Variants in GLIS1 observed in about 807,000 individuals in gnomAD.
The protein encoded by GLIS1 is GLIS family zinc finger 1, also known as zinc finger protein GLIS1.
GLIS1 carries 24 observed loss-of-function variants against 63.8 expected under a neutral mutation model. The observed-to-expected ratio is 0.38, with a 90% CI of 0.27 to 0.53. The LOEUF is 0.53. GLIS1 is among the 20% of genes least tolerant of loss of function. The pLI is 0.85. For missense variants in GLIS1, 1,036 were observed against 1,074.1 expected (o/e 0.96, Z 0.50); for synonymous variants, 450 against 482.5 (o/e 0.93, Z 0.88).
chr1:53,551,545 G>A (rs543619445), intron 4 of GLIS1, among the ~76,000 whole-genome samples: 3 of 152,180 alleles, frequency 2.0e-5, no homozygotes, highest in East Asian at 1.9e-4. Flanking sequence ...CTGGGAAAAC[G>A]TCAGGTCGGT....
At chr1:53,617,073 C>T (rs1427765402) in intron 2 of GLIS1, among the ~76,000 whole-genome samples, 1 of 152,080 alleles carries the variant, frequency 6.6e-6, no homozygotes, top group Non-Finnish European at 1.5e-5. Flanking sequence ...AGCCTAGGCC[C>T]TAGGCTGGAG....
intron 2 of GLIS1, among the ~76,000 whole-genome samples, chr1:53,722,394 T>C (rs1319061888): frequency 6.6e-6 from 1 of 152,194 alleles, no homozygotes; most frequent in South Asian, 2.1e-4. Context: ...GTAATATATA[T>C]ACATATTTGT....
At chr1:53,534,034 C>T (rs1235941103) in intron 4 of GLIS1, among the ~76,000 whole-genome samples, 1 of 152,056 alleles carries the variant, frequency 6.6e-6, no homozygotes, top group East Asian at 1.9e-4. Flanking sequence ...GGGGAGCTCT[C>T]TGGGTCCCGG....
intron 5 of GLIS1, among the ~76,000 whole-genome samples, chr1:53,528,018 G>A (rs1342989426): frequency 5.9e-5 from 9 of 152,210 alleles, no homozygotes; most frequent in Non-Finnish European, 1.2e-4. Context: ...CGAGAGGCAC[G>A]GGAGGGTAGG....
intron 2 of GLIS1, among the ~76,000 whole-genome samples, chr1:53,660,832 A>C (rs1274363519): frequency 1.3e-5 from 2 of 152,240 alleles, no homozygotes; most frequent in African/African-American, 4.8e-5. Context: ...CTACAAAGAG[A>C]GCAGGGAGTC....
intron 2 of GLIS1, among the ~76,000 whole-genome samples, chr1:53,615,268 A>G (rs1645469703): frequency 1.3e-5 from 2 of 152,106 alleles, no homozygotes; most frequent in South Asian, 4.1e-4. Context: ...CATCCACATG[A>G]GATAAGGCGG....
intron 2 of GLIS1, among the ~76,000 whole-genome samples, chr1:53,629,984 G>A (rs948752770): frequency 2.0e-5 from 3 of 152,116 alleles, no homozygotes; most frequent in African/African-American, 7.2e-5. Flanking sequence ...AACTAAAAAA[G>A]AATTCCATAA....
intron 4 of GLIS1, among the ~76,000 whole-genome samples, chr1:53,593,428 C>T (rs534347643): frequency 7.2e-5 from 11 of 152,358 alleles, no homozygotes; most frequent in East Asian, 5.8e-4. Context: ...AGTTAATATG[C>T]GCGTGTGTGT....
At chr1:53,666,941 TG>T (rs1055545090) in intron 2 of GLIS1, among the ~76,000 whole-genome samples, 1 of 152,236 alleles carries the variant, frequency 6.6e-6, no homozygotes, top group African/African-American at 2.4e-5. Flanking sequence ...GTTTCATCTT[TG>T]TCTTCAGAAC....
In GLIS1 at chr1:53,726,046, G is replaced by A. The variant is rs150286164; in HGVS notation, c.259+11760C>T. On this transcript the variant is annotated intron_variant, in intron 2 of 10. Coordinates refer to ENST00000628545, the MANE Select transcript of GLIS1 (RefSeq NM_001367484.1). The stretch of plus-strand genomic sequence containing the variant: ...AGAAGCCCACAGTTTCATGGGGAAG[G>A]GAAAAATGAACGCAAGCATCTGGAA... 3.3e-5 allele frequency among the ~76,000 whole-genome samples: 5 copies of A among 152,108 alleles called. No homozygotes were observed. The East Asian group carries it at 5.8e-4, about 18-fold the overall frequency.
intron 2 of GLIS1, among the ~76,000 whole-genome samples, chr1:53,704,622 C>T (rs1042527606): frequency 2.6e-5 from 4 of 152,174 alleles, no homozygotes; most frequent in Non-Finnish European, 5.9e-5. Context: ...GCTTGAGGAG[C>T]GTAGTGCTGT....
At chr1:53,534,803 G>A (rs1644566486) in intron 4 of GLIS1, among the ~76,000 whole-genome samples, 1 of 151,972 alleles carries the variant, frequency 6.6e-6, no homozygotes, top group Admixed American at 6.5e-5. Context: ...TGTGTGCCTG[G>A]CAGTGTGCTC....
rs542857995 is a variant in GLIS1, at chr1:53,562,130, G to A, written c.1320+31978C>T. On this transcript the variant is annotated intron_variant, in intron 4 of 10. Transcript: ENST00000628545. ...GAATAAGTGCATGCACGGTTAAGGG[G>A]GCAATGCAACAGGGCGTCTGAATTT... Among the ~76,000 whole-genome samples the A allele has an allele frequency of 3.9e-5, 6 of 152,312 alleles. No individual in the cohort carries two copies. The South Asian group carries it at 1.2e-3, about 32-fold the overall frequency.
At chr1:53,535,727 G>T (rs768503388) in intron 4 of GLIS1, among the ~76,000 whole-genome samples, 19 of 151,974 alleles carry the variant, frequency 1.3e-4, no homozygotes, top group East Asian at 1.9e-4. Flanking sequence ...GACTGCACAG[G>T]TGCCATCCTG....
At chr1:53,524,649 G>A (rs1644445493) in intron 6 of GLIS1, 128 bp downstream of exon 6, 2 of 689,356 alleles carry the variant, frequency 2.9e-6, no homozygotes, top group East Asian at 2.6e-5. Flanking sequence ...ACGGACGAAC[G>A]GATGGACGAA....
intron 2 of GLIS1, among the ~76,000 whole-genome samples, chr1:53,653,348 G>C (rs991849161): frequency 6.6e-6 from 1 of 152,136 alleles, no homozygotes; most frequent in Admixed American, 6.5e-5. Flanking sequence ...TTGTCCCCAA[G>C]AGACTCAGGC....
At chr1:53,548,093 A>G (rs1472044334) in intron 4 of GLIS1, among the ~76,000 whole-genome samples, 1 of 152,162 alleles carries the variant, frequency 6.6e-6, no homozygotes, top group Non-Finnish European at 1.5e-5. Context: ...CACGGGGGGC[A>G]TTTCTGCTGA....
intron 2 of GLIS1, among the ~76,000 whole-genome samples, chr1:53,645,680 G>T (rs928287815): frequency 1.3e-5 from 2 of 152,192 alleles, no homozygotes; most frequent in African/African-American, 4.8e-5. Context: ...GTTGTTTCAT[G>T]GTAAGCCATC....
intron 5 of GLIS1, among the ~76,000 whole-genome samples, 194 bp downstream of exon 5, chr1:53,529,597 A>G (rs1644507778): frequency 6.6e-6 from 1 of 152,108 alleles, no homozygotes; most frequent in Non-Finnish European, 1.5e-5. Context: ...CCTCCTATCT[A>G]GTGGAGAGAG....
Sources: allele counts gnomAD v4.1 joint callset (sites outside exome capture counted in the v4.1 genomes callset), GRCh38; gene constraint gnomAD v4.1.1; transcripts MANE v1.5; gene names NCBI Gene and HGNC (gene_info 2026-07-23, HGNC 2026-07-21).